Variants in ANKRD12 observed in about 807,000 individuals in gnomAD.
The protein encoded by ANKRD12 is ankyrin repeat domain-containing protein 12.
ANKRD12 carries 85 observed loss-of-function variants against 183.4 expected under a neutral mutation model. The ratio of observed to expected loss-of-function variants is 0.46; its 90% CI spans 0.39 to 0.56. The LOEUF (loss-of-function observed/expected upper bound fraction) is 0.56. Among genes scored for constraint, ANKRD12 ranks in the 20% least tolerant of loss-of-function variants. The pLI is 0.00. For missense variants in ANKRD12, 2,405 were observed against 2,357.1 expected (o/e 1.02, Z -0.42); for synonymous variants, 914 against 800.2 (o/e 1.14, Z -2.40).
chr18:9,254,399 A>G lies in ANKRD12; in HGVS notation c.1132A>G (p.Arg378Gly). The change falls in exon 9 of 13, where the codon AGG (arginine) becomes GGG (glycine). Residue 378 changes from arginine to glycine, a missense_variant. Transcript: ENST00000262126. ...DEEINKMIDD[R>G]HILRKEQRKE... ...AGAAATTAATAAGATGATTGATGAT[A>G]GGCATATTCTTAGGAAAGAACAACG... 2 of 1,598,658 alleles carry G rather than the reference A, an allele frequency of 1.3e-6. No individual in the cohort carries two copies. Among genetic ancestry groups the G allele is most frequent in the Non-Finnish European group, 1.7e-6 (2 of 1,175,752 alleles).
At position 9,256,165 on chromosome 18, in the gene ANKRD12, TAAAG is replaced by T. The variant is rs757154418; in HGVS notation, c.2903_2906del (p.Glu968ValfsTer2). On this transcript the variant is annotated frameshift_variant, in exon 9 of 13. Coordinates refer to ENST00000262126, the MANE Select transcript of ANKRD12 (RefSeq NM_015208.5). LOFTEE classifies it high-confidence loss of function. ...TAGATAAAAAGGAAAAATCTAGAGA[TAAAG>T]AAAGTATAAATATAACTAACTCCAA... 2.4e-5 allele frequency: 38 copies of T among 1,557,750 alleles called. No individual in the cohort carries two copies. Among genetic ancestry groups the T allele is most frequent in the Middle Eastern group, 1.7e-4 (1 of 5,796 alleles).
chr18:9,270,925 G>A (rs546143009), intron 10 of ANKRD12, among the ~76,000 whole-genome samples: 1 of 152,250 alleles, frequency 6.6e-6, no homozygotes, highest in East Asian at 1.9e-4. Context: ...CAACTTTACC[G>A]TGTGGTGGCT....
At chr18:9,185,505 GTT>G (rs903853501) in intron 2 of ANKRD12, among the ~76,000 whole-genome samples, 69 of 152,202 alleles carry the variant, frequency 4.5e-4, no homozygotes, top group Non-Finnish European at 6.5e-4. Flanking sequence ...TTTTGAATAA[GTT>G]TGCTTTGTAC....
intron 1 of ANKRD12, among the ~76,000 whole-genome samples, chr18:9,149,398 T>G (rs181744378): frequency 1.0e-3 from 153 of 152,326 alleles, no homozygotes; most frequent in Non-Finnish European, 1.9e-3. Flanking sequence ...ATTAGTTCAT[T>G]TAGACTAGTG....
At chr18:9,189,892 A>G (rs2034345236) in intron 2 of ANKRD12, among the ~76,000 whole-genome samples, 2 of 152,230 alleles carry the variant, frequency 1.3e-5, no homozygotes, top group African/African-American at 2.4e-5. Flanking sequence ...GGCTGCTGAC[A>G]TGCAGTCCAT....
At chr18:9,201,036 T>G (rs2035134678) in intron 3 of ANKRD12, among the ~76,000 whole-genome samples, 1 of 152,206 alleles carries the variant, frequency 6.6e-6, no homozygotes, top group South Asian at 2.1e-4. Flanking sequence ...AGATTTGGCC[T>G]TTTTGTTTCT....
intron 7 of ANKRD12, among the ~76,000 whole-genome samples, chr18:9,219,999 A>G (rs1334654544): frequency 1.3e-5 from 2 of 152,210 alleles, no homozygotes; most frequent in African/African-American, 4.8e-5. Context: ...TTAAAATCGT[A>G]AGCATGTGTA....
In ANKRD12 at chr18:9,256,932, C is replaced by T; in HGVS notation, c.3665C>T (p.Thr1222Ile). Residue 1222 changes from threonine to isoleucine, a missense_variant, in exon 9 of 13, where the codon ACC becomes ATC. Physicochemically the swap from Thr to Ile is moderately conservative, Grantham distance 89. Around this residue, in one of 7 missense-constraint regions of ANKRD12, gnomAD observed 1,983 missense variants for 1,725.9 expected, o/e 1.15. Coordinates refer to ENST00000262126, the MANE Select transcript of ANKRD12 (RefSeq NM_015208.5). ...SEDSCHTTVT[T>I]PRPPVEYDSD... is the part of the protein sequence containing the mutation. ...GATTCCTGCCATACTACAGTGACAA[C>T]CCCAAGGCCTCCAGTTGAGTATGAC... is the stretch of plus-strand genomic sequence containing the variant. The T allele has an allele frequency of 6.2e-7, 1 of 1,614,066 alleles. No homozygotes were observed. Among genetic ancestry groups the T allele is most frequent in the Non-Finnish European group, 8.5e-7 (1 of 1,179,994 alleles).
chr18:9,177,806 C>G (rs941919696), intron 1 of ANKRD12, among the ~76,000 whole-genome samples: 1 of 152,160 alleles, frequency 6.6e-6, no homozygotes, highest in Non-Finnish European at 1.5e-5. Context: ...TTTTTTAGCT[C>G]TCACATATGA....
chr18:9,256,066 A>G lies in ANKRD12; in HGVS notation c.2799A>G (p.Lys933=), dbSNP rs201325625. 10 of 1,562,560 alleles carry G rather than the reference A, an allele frequency of 6.4e-6. No individual in the cohort carries two copies. The East Asian group carries it at 2.1e-4, about 32-fold the overall frequency. ...GCAAAGAAAAGCACTTGATGGAGAA[A>G]AAAAATAAACAATCAGATAATAGTG... The part of the protein sequence containing the change: ...AESKEKHLME[K]KNKQSDNSEY... Residue 933 remains lysine, a synonymous_variant, in exon 9 of 13, where the codon AAA becomes AAG. Transcript: ENST00000262126.
At chr18:9,203,566 G>A (rs1028740622) in intron 3 of ANKRD12, among the ~76,000 whole-genome samples, 1 of 151,292 alleles carries the variant, frequency 6.6e-6, no homozygotes, top group Non-Finnish European at 1.5e-5. Context: ...TTGTTAGGCA[G>A]AATTCCATAT....
At chr18:9,156,605 T>C (rs1760154329) in intron 1 of ANKRD12, among the ~76,000 whole-genome samples, 1 of 152,184 alleles carries the variant, frequency 6.6e-6, no homozygotes, top group Non-Finnish European at 1.5e-5. Context: ...GCTTTATATC[T>C]AAAAGCAAAG....
chr18:9,171,232 C>T (rs2032695609), intron 1 of ANKRD12, among the ~76,000 whole-genome samples: 1 of 152,052 alleles, frequency 6.6e-6, no homozygotes, highest in African/African-American at 2.4e-5. Flanking sequence ...CTTCAAAGCT[C>T]AGTTGGAAAT....
At chr18:9,173,818 A>G (rs2032993148) in intron 1 of ANKRD12, among the ~76,000 whole-genome samples, 1 of 152,084 alleles carries the variant, frequency 6.6e-6, no homozygotes, top group East Asian at 1.9e-4. Context: ...GACTGCCTGG[A>G]CTCTCCAGAG....
At chr18:9,225,904 GT>G (rs1331510078) in intron 8 of ANKRD12, among the ~76,000 whole-genome samples, 2 of 151,824 alleles carry the variant, frequency 1.3e-5, no homozygotes, top group African/African-American at 2.4e-5. Context: ...CTTTTGCTCT[GT>G]TTCCTTTATT....
chr18:9,254,029 C>G (rs975401712), intron 8 of ANKRD12, among the ~76,000 whole-genome samples, 182 bp from the exon 9 acceptor site: 1 of 152,142 alleles, frequency 6.6e-6, no homozygotes, highest in African/African-American at 2.4e-5. Context: ...AAAAGCTGTT[C>G]TACAACACTA....
chr18:9,151,987 CAGG>C (rs2078700224), intron 1 of ANKRD12, among the ~76,000 whole-genome samples: 1 of 152,096 alleles, frequency 6.6e-6, no homozygotes, highest in Non-Finnish European at 1.5e-5. Flanking sequence ...GAGGCCGAAG[CAGG>C]AGGATTACTT....
Position 9,281,260 on chromosome 18 carries a change from T to G in ANKRD12, c.*134T>G, listed in dbSNP as rs2040096199. The G allele has an allele frequency of 1.6e-6, 1 of 639,326 alleles. No individual in the cohort carries two copies. The highest frequency in any genetic ancestry group is 3.2e-5 in the Admixed American group (1 of 31,632). The allele number at this position is 639,326 out of a possible 1,614,324, so 39.6% of individuals were successfully genotyped here. On this transcript the variant is annotated 3_prime_UTR_variant, in exon 13 of 13. Transcript: ENST00000262126. ...AGTTCGATTATAGTTGGTTATGTAGTAAACACTGTCATTTTATAAAAAATG... is the reference window on the plus strand; with the variant it reads ...AGTTCGATTATAGTTGGTTATGTAGGAAACACTGTCATTTTATAAAAAATG...
Position 9,256,122 on chromosome 18 carries a change from A to C in ANKRD12, c.2855A>C (p.Lys952Thr). Residue 952 changes from lysine to threonine, a missense_variant, in exon 9 of 13, where the codon AAA becomes ACA. This residue lies in a region of ANKRD12 where 1,983 missense variants were observed against 1,725.9 expected (regional missense o/e 1.15). Coordinates refer to ENST00000262126, the MANE Select transcript of ANKRD12 (RefSeq NM_015208.5). ...EYSKSEKGKN[K>T]EKDRELDKKE... Reference sequence around the variant, plus strand: ...AGTAAATCAGAAAAAGGCAAAAATAAAGAAAAAGACAGGGAGCTAGATAAA... The same window carrying C: ...AGTAAATCAGAAAAAGGCAAAAATACAGAAAAAGACAGGGAGCTAGATAAA... 1.9e-6 allele frequency: 3 copies of C among 1,560,010 alleles called. No homozygotes were observed. The highest frequency in any genetic ancestry group is 2.6e-6 in the Non-Finnish European group (3 of 1,163,140).
Sources: gnomAD v4.1 joint callset for allele counts (sites outside exome capture counted in the v4.1 genomes callset) on GRCh38, gnomAD v4.1.1 for gene constraint, gnomAD v4.1.1 regional missense constraint, MANE v1.5 for transcripts, NCBI Gene and HGNC (gene_info 2026-07-23, HGNC 2026-07-21) for gene names.